Variants in AKR7A3 observed in about 807,000 individuals in gnomAD.
AKR7A3 encodes the protein AFB1 aldehyde reductase 2.
AKR7A3 carries 37 observed loss-of-function variants against 32.5 expected under a neutral mutation model. The ratio of observed to expected loss-of-function variants is 1.14; its 90% CI spans 0.88 to 1.50. The LOEUF (loss-of-function observed/expected upper bound fraction) is 1.50, where lower values mean the gene tolerates loss of function less well. AKR7A3 is among the 40% of genes most tolerant of loss of function. AKR7A3 has a pLI of 0.00. For synonymous variants in AKR7A3, 177 were observed against 188.4 expected (o/e 0.94, Z 0.50); for missense variants, 412 against 453.2 (o/e 0.91, Z 0.83).
At chr1:19,275,898 C>T in the AKR7A3 span, among the ~76,000 whole-genome samples, 7 of 151,874 alleles carry the variant, frequency 4.6e-5, no homozygotes, top group East Asian at 5.8e-4. Flanking sequence ...AAAATATAAT[C>T]GTCAATGTAT....
chr1:19,281,849 T>G (rs1244854915), downstream of AKR7A3, among the ~76,000 whole-genome samples: 3 of 152,016 alleles, frequency 2.0e-5, no homozygotes, highest in Non-Finnish European at 4.4e-5. Context: ...CCTGCCCTAC[T>G]GGGTTTCAGA....
chr1:19,287,844 A>G (rs2093733517), intron 1 of AKR7A3, among the ~76,000 whole-genome samples: 3 of 151,994 alleles, frequency 2.0e-5, no homozygotes, highest in Non-Finnish European at 2.9e-5. Context: ...ATTTCTCTCC[A>G]ATAGCCTCCG....
the AKR7A3 span, among the ~76,000 whole-genome samples, chr1:19,276,178 T>C: frequency 1.3e-5 from 2 of 151,334 alleles, no homozygotes; most frequent in East Asian, 3.9e-4. Context: ...CTGGCCAAGA[T>C]GGTGAAACCC....
downstream of AKR7A3, among the ~76,000 whole-genome samples, chr1:19,281,710 AT>A (rs1361045337): frequency 6.6e-6 from 1 of 152,026 alleles, no homozygotes; most frequent in Non-Finnish European, 1.5e-5. Flanking sequence ...TTTTCTTATC[AT>A]CTTGGGGATT....
chr1:19,283,909 C>T (rs190498360), intron 6 of AKR7A3, 87 bp downstream of exon 6: 3 of 1,582,476 alleles, frequency 1.9e-6, no homozygotes, highest in Non-Finnish European at 2.6e-6. Flanking sequence ...TCAGAGGAAT[C>T]GATAAACAAA....
At chr1:19,274,966 A>G in the AKR7A3 span, among the ~76,000 whole-genome samples, 1 of 150,978 alleles carries the variant, frequency 6.6e-6, no homozygotes, top group Admixed American at 6.6e-5. Context: ...GATTAATTTA[A>G]ACCCAACCAT....
At chr1:19,276,764 T>C in the AKR7A3 span, among the ~76,000 whole-genome samples, 1 of 151,766 alleles carries the variant, frequency 6.6e-6, no homozygotes, top group Non-Finnish European at 1.5e-5. Flanking sequence ...ATCATGCCAC[T>C]GCATTCCAGC....
intron 5 of AKR7A3, 109 bp downstream of exon 5, chr1:19,284,577 G>C: frequency 8.6e-7 from 1 of 1,167,360 alleles, no homozygotes; most frequent in Non-Finnish European, 1.3e-6. Context: ...AAATTCAGGG[G>C]AGTAGGTGCA....
At chr1:19,280,840 G>A (rs2093717725), downstream of AKR7A3, among the ~76,000 whole-genome samples, 1 of 151,804 alleles carries the variant, frequency 6.6e-6, no homozygotes, top group African/African-American at 2.4e-5. Context: ...AAAGTGCTGG[G>A]ATTACAGGTA....
In AKR7A3 at chr1:19,284,473, C is replaced by T. The variant is rs570887276; in HGVS notation, c.704+213G>A. On this transcript the variant is annotated intron_variant, in intron 5 of 6. Coordinates refer to ENST00000361640, the MANE Select transcript of AKR7A3 (RefSeq NM_012067.3). ...CAGGTGATTGCTCAGGAAAGAGCAA[C>T]GACTTCAAGACCCCGAGGTCCAGGG... 1.3e-4 allele frequency among the ~76,000 whole-genome samples: 20 copies of T among 151,990 alleles called. No homozygotes were observed. The South Asian group carries it at 1.5e-3, about 11-fold the overall frequency.
chr1:19,274,899 C>CAAAA, the AKR7A3 span, among the ~76,000 whole-genome samples: 1,067 of 44,308 alleles, frequency 0.024, 79 homozygotes, highest in Non-Finnish European at 0.035. Flanking sequence ...TCTCTAAATA[C>CAAAA]AAAAAAAAAA....
chr1:19,288,769 A>G lies in AKR7A3; in HGVS notation c.-60T>C. On this transcript the variant is annotated 5_prime_UTR_variant, in exon 1 of 7. Coordinates refer to ENST00000361640, the MANE Select transcript of AKR7A3 (RefSeq NM_012067.3). Reference sequence around the variant, plus strand: ...GCCGCGCGCAGCGGTCGGAAGCACCAGGCTCGGAGCGGGCGGCCTCGTGGC... The same window carrying G: ...GCCGCGCGCAGCGGTCGGAAGCACCGGGCTCGGAGCGGGCGGCCTCGTGGC... 4 of 1,400,268 alleles carry G rather than the reference A, an allele frequency of 2.9e-6. No homozygotes were observed. The highest frequency in any genetic ancestry group is 3.7e-6 in the Non-Finnish European group (4 of 1,082,808). 86.7% of individuals were successfully genotyped at this position (1,400,268 alleles called of 1,614,324 possible). A position where few individuals can be genotyped will look rare whatever the true frequency, so the allele number is the denominator to read the frequency against.
the AKR7A3 span, chr1:19,274,342 C>G: frequency 5.1e-6 from 3 of 587,364 alleles, no homozygotes; most frequent in Non-Finnish European, 8.0e-6. Flanking sequence ...GATTTTAACA[C>G]TCCTCAAGTC....
rs900722114 is a variant in AKR7A3 at position 19,284,392 on chromosome 1, G to A, written c.705-267C>T. Among the ~76,000 whole-genome samples the A allele has an allele frequency of 2.6e-5, 4 of 151,918 alleles. 1 individual carries two copies. The highest frequency in any genetic ancestry group is 2.6e-4 in the Admixed American group (4 of 15,280). ...ACACAAAGGCCGCTAAGATGGGTCA[G>A]GACTCAGCCCCAGGCCTCCTGGACC... is the stretch of plus-strand genomic sequence containing the variant. On this transcript the variant is annotated intron_variant, in intron 5 of 6. Coordinates refer to ENST00000361640, the MANE Select transcript of AKR7A3 (RefSeq NM_012067.3).
In AKR7A3 at chr1:19,284,674, C is replaced by A; in HGVS notation, c.704+12G>T. 1 of 1,613,662 alleles carries A rather than the reference C, an allele frequency of 6.2e-7. No individual in the cohort carries two copies. The highest frequency in any genetic ancestry group is 8.5e-7 in the Non-Finnish European group (1 of 1,179,838). Reference sequence around the variant, plus strand: ...CCACCCCAGCCATCCACACCAAGCACCCACAGCTTACCGATTCCTGTACAT... The same window carrying A: ...CCACCCCAGCCATCCACACCAAGCAACCACAGCTTACCGATTCCTGTACAT... On this transcript the variant is annotated intron_variant, in intron 5 of 6. Transcript: ENST00000361640.
downstream of AKR7A3, among the ~76,000 whole-genome samples, chr1:19,279,877 C>T (rs558024086): frequency 2.0e-5 from 3 of 151,854 alleles, no homozygotes; most frequent in African/African-American, 7.3e-5. Context: ...GAATGTGTGG[C>T]CCGACACAAA....
Position 19,285,897 on chromosome 1 carries a change from A to C in AKR7A3, c.498T>G (p.Thr166=). ...CAGCCCTGGCTCTCACCTGGTACAC[A>C]GTGGGCAGGATCCAGCCGTTGCTCT... ...LCKSNGWILP[T]VYQGMYNAIT... is the part of the protein sequence containing the mutation. Residue 166 remains threonine, a synonymous_variant, in exon 3 of 7, where the codon ACT becomes ACG. Transcript: ENST00000361640. The C allele has an allele frequency of 6.2e-7, 1 of 1,613,668 alleles. No individual in the cohort carries two copies. Among genetic ancestry groups the C allele is most frequent in the Non-Finnish European group, 8.5e-7 (1 of 1,179,862 alleles).
chr1:19,284,158 G>C (rs1447659302), intron 5 of AKR7A3, 33 bp from the exon 6 acceptor site: 1 of 1,586,276 alleles, frequency 6.3e-7, no homozygotes, highest in Admixed American at 1.8e-5. Context: ...CAGGTGTCAG[G>C]GCCACATTGG....
chr1:19,274,424 C>A, the AKR7A3 span, among the ~76,000 whole-genome samples: 1 of 151,966 alleles, frequency 6.6e-6, no homozygotes, highest in South Asian at 2.1e-4. Flanking sequence ...CCGTCGTCCC[C>A]CATCCCTCGG....
Sources: gnomAD v4.1 joint callset for allele counts (sites outside exome capture counted in the v4.1 genomes callset) on GRCh38, gnomAD v4.1.1 for gene constraint, MANE v1.5 for transcripts, NCBI Gene and HGNC (gene_info 2026-07-23, HGNC 2026-07-21) for gene names.